DDHD1: variants seen among roughly 807,000 people sequenced by gnomAD.
The protein encoded by DDHD1 is DDHD domain containing 1.
A neutral mutation model predicts 96.4 loss-of-function variants in DDHD1; 49 were observed. The ratio of observed to expected loss-of-function variants is 0.51; its 90% CI spans 0.40 to 0.64. The LOEUF (loss-of-function observed/expected upper bound fraction) is 0.64, where lower values mean the gene tolerates loss of function less well. Among genes scored for constraint, DDHD1 ranks in the 30% least tolerant of loss-of-function variants. The pLI is 0.00. For synonymous variants in DDHD1, 442 were observed against 446.5 expected (o/e 0.99, Z 0.13); for missense variants, 1,106 against 1,161.2 (o/e 0.95, Z 0.69).
intron 1 of DDHD1, among the ~76,000 whole-genome samples, chr14:53,151,491 C>G (rs551971179): frequency 6.6e-6 from 1 of 152,302 alleles, no homozygotes; most frequent in South Asian, 2.1e-4. Flanking sequence ...ACACTCATAT[C>G]ACACGTAAGT....
chr14:53,050,778 C>A (rs183274815), intron 12 of DDHD1, among the ~76,000 whole-genome samples: 424 of 152,134 alleles, frequency 2.8e-3, no homozygotes, highest in African/African-American at 9.7e-3. Context: ...ATATTACCAT[C>A]TGAATCATTT....
chr14:53,072,970 T>C (rs971496908), intron 5 of DDHD1, among the ~76,000 whole-genome samples: 3 of 151,974 alleles, frequency 2.0e-5, no homozygotes, highest in African/African-American at 4.8e-5. Context: ...CTTTTTTGTA[T>C]GTACTGGCTT....
At position 53,124,145 on chromosome 14, in the gene DDHD1, G is replaced by A. The variant is rs926333687; in HGVS notation, c.839-20289C>T. Among the ~76,000 whole-genome samples the A allele has an allele frequency of 2.6e-5, 4 of 151,778 alleles. No homozygotes were observed. The South Asian group carries it at 6.2e-4, about 24-fold the overall frequency. On this transcript the variant is annotated intron_variant, in intron 1 of 12. Transcript: ENST00000673822. ...AGCTACTCAGGAGGCTGAGGCAGGA[G>A]AATCACTTGAACCTGGGAGGCAGAG...
intron 1 of DDHD1, among the ~76,000 whole-genome samples, chr14:53,122,271 T>C (rs1889053354): frequency 6.6e-6 from 1 of 152,182 alleles, no homozygotes; most frequent in Non-Finnish European, 1.5e-5. Context: ...TAGTGAAATG[T>C]CACCTGCTAT....
At chr14:53,109,287 C>T (rs1887929491) in intron 1 of DDHD1, among the ~76,000 whole-genome samples, 1 of 152,158 alleles carries the variant, frequency 6.6e-6, no homozygotes, top group Non-Finnish European at 1.5e-5. Context: ...ATACAGCTTC[C>T]TGTAGCTAGT....
chr14:53,054,664 A>C, intron 10 of DDHD1, 35 bp from the exon 11 acceptor site: 1 of 1,599,546 alleles, frequency 6.3e-7, no homozygotes, highest in Non-Finnish European at 8.6e-7. Context: ...CATTCTGTTG[A>C]ATCACACCAC....
chr14:53,135,980 G>T (rs1890208262), intron 1 of DDHD1, among the ~76,000 whole-genome samples: 1 of 152,172 alleles, frequency 6.6e-6, no homozygotes, highest in Admixed American at 6.5e-5. Context: ...AGCAACTGAA[G>T]ATCCACAAAA....
At position 53,055,646 on chromosome 14, in the gene DDHD1, A is replaced by G. The variant is rs1369290547; in HGVS notation, c.2245+14T>C. 6 of 1,612,886 alleles carry G rather than the reference A, an allele frequency of 3.7e-6. No homozygotes were observed. Among genetic ancestry groups the G allele is most frequent in the South Asian group, 2.2e-5 (2 of 91,020 alleles). On this transcript the variant is annotated intron_variant, in intron 10 of 12. Coordinates refer to ENST00000673822, the MANE Select transcript of DDHD1 (RefSeq NM_001160148.2). ...GCTTATATGCATAGATAAGGAATAC[A>G]TAAGAGAAATTACCTAATATGCTTG...
At chr14:53,127,169 G>A (rs1889515397) in intron 1 of DDHD1, among the ~76,000 whole-genome samples, 2 of 152,208 alleles carry the variant, frequency 1.3e-5, no homozygotes, top group South Asian at 4.1e-4. Flanking sequence ...TCAAACAGGA[G>A]GAATACATAG....
intron 1 of DDHD1, among the ~76,000 whole-genome samples, chr14:53,147,022 T>A (rs1290803342): frequency 6.6e-6 from 1 of 152,036 alleles, no homozygotes; most frequent in African/African-American, 2.4e-5. Flanking sequence ...GATTCCCTAG[T>A]TATTAGGAAT....
intron 6 of DDHD1, among the ~76,000 whole-genome samples, chr14:53,067,404 C>T (rs1181125986): frequency 2.0e-5 from 3 of 151,544 alleles, no homozygotes; most frequent in Non-Finnish European, 2.9e-5. Context: ...GTGATCTGCC[C>T]GTCTCGGCCT....
intron 1 of DDHD1, among the ~76,000 whole-genome samples, chr14:53,112,277 C>T (rs989545981): frequency 6.6e-6 from 1 of 152,028 alleles, no homozygotes; most frequent in Non-Finnish European, 1.5e-5. Context: ...ATTAGCTGGG[C>T]ATGGTGGCAC....
intron 1 of DDHD1, among the ~76,000 whole-genome samples, chr14:53,113,622 C>G (rs566255289): frequency 1.3e-5 from 2 of 152,048 alleles, no homozygotes; most frequent in Non-Finnish European, 2.9e-5. Context: ...TTCCACTTCA[C>G]CTGGGAAGCG....
intron 1 of DDHD1, among the ~76,000 whole-genome samples, chr14:53,118,187 A>AT (rs1467792757): frequency 9.2e-5 from 14 of 152,344 alleles, no homozygotes; most frequent in African/African-American, 3.4e-4. Context: ...AAAGGTAGAT[A>AT]AAACCACAAA....
At chr14:53,078,560 T>G (rs908980518) in intron 4 of DDHD1, among the ~76,000 whole-genome samples, 5 of 152,204 alleles carry the variant, frequency 3.3e-5, no homozygotes, top group African/African-American at 1.2e-4. Flanking sequence ...TGCTAATATT[T>G]TCTCCCATTC....
intron 4 of DDHD1, among the ~76,000 whole-genome samples, chr14:53,083,486 T>C (rs1885672241): frequency 6.6e-6 from 1 of 152,260 alleles, no homozygotes; most frequent in Non-Finnish European, 1.5e-5. Flanking sequence ...CTTCTCAGTC[T>C]ATGTAAGCGG....
intron 1 of DDHD1, among the ~76,000 whole-genome samples, chr14:53,114,381 C>A (rs1368020551): frequency 2.6e-5 from 4 of 152,222 alleles, no homozygotes; most frequent in Non-Finnish European, 5.9e-5. Flanking sequence ...AGTGCACCAG[C>A]TCTGCTAAGG....
rs1007784966 is a variant in DDHD1, at chr14:53,037,951, A to G, written c.*8817T>C. ...CAGTTTCATTCTTCTGCATAGGGCT[A>G]GCCAGTTATCCCAACACCATTTATT... is the stretch of plus-strand genomic sequence containing the variant. On this transcript the variant is annotated 3_prime_UTR_variant, in exon 13 of 13. Coordinates refer to ENST00000673822, the MANE Select transcript of DDHD1 (RefSeq NM_001160148.2). 19 of 152,140 alleles carry G rather than the reference A, an allele frequency of 1.2e-4. No individual in the cohort carries two copies. Among genetic ancestry groups the G allele is most frequent in the African/African-American group, 4.6e-4 (19 of 41,446 alleles). 9.4% of individuals were successfully genotyped at this position (152,140 alleles called of 1,614,324 possible).
At position 53,046,518 on chromosome 14, in the gene DDHD1, T is replaced by C. The variant is rs1882019132; in HGVS notation, c.*250A>G. 1 of 278,794 alleles carries C rather than the reference T, an allele frequency of 3.6e-6. No homozygotes were observed. Among genetic ancestry groups the C allele is most frequent in the Admixed American group, 5.2e-5 (1 of 19,392 alleles). 17.3% of individuals were successfully genotyped at this position (278,794 alleles called of 1,614,324 possible). A position where few individuals can be genotyped will look rare whatever the true frequency, so the allele number is the denominator to read the frequency against. On this transcript the variant is annotated 3_prime_UTR_variant, in exon 13 of 13. Transcript: ENST00000673822. ...GCAGTTTACCCAAACCTTCTTCACA[T>C]CCAGGTCTTGCTTGATTCTCTGGAG...
Sources: gnomAD v4.1 joint callset for allele counts (sites outside exome capture counted in the v4.1 genomes callset) on GRCh38, gnomAD v4.1.1 for gene constraint, MANE v1.5 for transcripts, NCBI Gene and HGNC (gene_info 2026-07-23, HGNC 2026-07-21) for gene names.